The following WSCD1 variants were observed in gnomAD, a reference collection of about 807,000 sequenced individuals.
WSCD1 encodes the protein sialate:O-sulfotransferase 1.
Under a neutral mutation model 60.4 loss-of-function variants are expected in WSCD1, and 41 were observed. The ratio of observed to expected loss-of-function variants is 0.68; its 90% CI spans 0.53 to 0.88. The LOEUF is 0.88. Among genes scored for constraint, WSCD1 ranks in the 40% least tolerant of loss-of-function variants. WSCD1 has a pLI of 0.00. For synonymous variants in WSCD1, 361 were observed against 332.5 expected (o/e 1.09, Z -0.93); for missense variants, 784 against 796.2 (o/e 0.98, Z 0.18).
intron 1 of WSCD1, among the ~76,000 whole-genome samples, chr17:6,076,436 A>G (rs971639235): frequency 3.9e-5 from 6 of 152,164 alleles, no homozygotes; most frequent in African/African-American, 1.2e-4. Context: ...GTGGGGGCTC[A>G]GAGCTGGGGA....
intron 2 of WSCD1, among the ~76,000 whole-genome samples, chr17:6,082,935 C>A (rs907817489): frequency 1.3e-5 from 2 of 152,128 alleles, no homozygotes; most frequent in African/African-American, 4.8e-5. Context: ...GACTGGAGGG[C>A]TGTGGGTTCA....
intron 8 of WSCD1, among the ~76,000 whole-genome samples, chr17:6,120,055 T>C (rs1163035978): frequency 2.6e-5 from 4 of 152,208 alleles, no homozygotes; most frequent in Admixed American, 6.5e-5. Context: ...CTTAGCTTTA[T>C]AGGAGGACCT....
At chr17:6,111,038 T>G (rs537032249) in intron 7 of WSCD1, 103 bp downstream of exon 7, 1 of 1,428,830 alleles carries the variant, frequency 7.0e-7, no homozygotes, top group South Asian at 1.5e-5. Flanking sequence ...CATCTCAAAC[T>G]TGAGTGTACA....
At chr17:6,089,545 C>T (rs759795486) in intron 3 of WSCD1, among the ~76,000 whole-genome samples, 1 of 152,182 alleles carries the variant, frequency 6.6e-6, no homozygotes, top group African/African-American at 2.4e-5. Context: ...CCATGTGTAA[C>T]AAGATGTGAC....
At chr17:6,073,753 G>A (rs548673737) in intron 1 of WSCD1, among the ~76,000 whole-genome samples, 3 of 152,384 alleles carry the variant, frequency 2.0e-5, no homozygotes, top group South Asian at 4.1e-4. Flanking sequence ...CGGCCCCGGC[G>A]CTGGTGCTGT....
intron 7 of WSCD1, among the ~76,000 whole-genome samples, chr17:6,117,417 C>T (rs1412130805): frequency 6.6e-6 from 1 of 152,200 alleles, no homozygotes; most frequent in Non-Finnish European, 1.5e-5. Context: ...TACCTGCTCA[C>T]AGCCATTGAA....
chr17:6,114,494 G>A (rs1220938572), intron 7 of WSCD1, among the ~76,000 whole-genome samples: 1 of 152,124 alleles, frequency 6.6e-6, no homozygotes, highest in African/African-American at 2.4e-5. Flanking sequence ...AGCCAGAACA[G>A]AGGATTTTGA....
In WSCD1 at chr17:6,080,845, G is replaced by T; in HGVS notation, c.187G>T (p.Gly63Cys). The T allele has an allele frequency of 6.2e-7, 1 of 1,607,078 alleles. No homozygotes were observed. Among genetic ancestry groups the T allele is most frequent in the East Asian group, 2.2e-5 (1 of 44,720 alleles). Residue 63 changes from glycine (G) to cysteine (C), a missense_variant, in exon 2 of 9, where the codon GGC becomes TGC. By Grantham distance (159) the Gly-to-Cys change is radical. Coordinates refer to ENST00000317744, the MANE Select transcript of WSCD1 (RefSeq NM_015253.2). The surrounding 1 kb of genome is among the most constrained non-coding windows in gnomAD (Gnocchi z 6.6). The part of the protein sequence containing the change: ...QTLPVAAVAL[G>C]VGLLDSRALH... ...CTTGCCAGTGGCCGCCGTGGCGCTG[G>T]GCGTGGGCTTGCTGGACAGCAGAGC... is the stretch of plus-strand genomic sequence containing the variant.
At position 6,121,913 on chromosome 17, in the gene WSCD1, C is replaced by A. The variant is rs114361943; in HGVS notation, c.*1252C>A. The A allele has an allele frequency of 3.9e-3, 599 of 152,430 alleles. 4 individuals are homozygous for A. The highest frequency in any genetic ancestry group is 0.014 in the African/African-American group (565 of 41,560). The allele number at this position is 152,430 out of a possible 1,614,324, so 9.4% of individuals were successfully genotyped here. The stretch of plus-strand genomic sequence containing the variant: ...ACCCAGGAGCAACGCTCAAGGTGGC[C>A]GAGATGCAGGGAGGATTGTGGCGAT... On this transcript the variant is annotated 3_prime_UTR_variant, in exon 9 of 9. Transcript: ENST00000317744.
Position 6,088,086 on chromosome 17 carries a change from A to G in WSCD1, c.524A>G (p.Gln175Arg). ...AGAAAGATGACTGTCTCCCACTGCCAGGATGCGTGTGCTGAGCGGTGAGTG... is the reference window on the plus strand; with the variant it reads ...AGAAAGATGACTGTCTCCCACTGCCGGGATGCGTGTGCTGAGCGGTGAGTG... ...DLRKMTVSHC[Q>R]DACAERSYVY... The change falls in exon 3 of 9, where the codon CAG becomes CGG. Residue 175 changes from glutamine to arginine, a missense_variant. Gln to Arg is a conservative substitution (Grantham distance 43, BLOSUM62 1). Transcript: ENST00000317744. 1 of 1,614,180 alleles carries G rather than the reference A, an allele frequency of 6.2e-7. No individual in the cohort carries two copies. The highest frequency in any genetic ancestry group is 8.5e-7 in the Non-Finnish European group (1 of 1,180,018).
chr17:6,098,002 G>A (rs188565551), intron 5 of WSCD1, among the ~76,000 whole-genome samples: 8 of 151,418 alleles, frequency 5.3e-5, no homozygotes, highest in African/African-American at 1.9e-4. Flanking sequence ...CCAGGTTGGA[G>A]TGCAGTGGTG....
At chr17:6,081,124 A>AC in intron 2 of WSCD1, 39 bp downstream of exon 2, 5 of 1,500,862 alleles carry the variant, frequency 3.3e-6, no homozygotes, top group Non-Finnish European at 4.4e-6. Flanking sequence ...TGTTCCCAGG[A>AC]CCCCCCATTC....
intron 8 of WSCD1, 30 bp from the exon 9 acceptor site, chr17:6,120,279 G>T: frequency 6.3e-7 from 1 of 1,596,600 alleles, no homozygotes; most frequent in Non-Finnish European, 8.6e-7. Context: ...GCCAGCCCCC[G>T]ACTCTGCATC....
chr17:6,078,216 C>T (rs1356256542), intron 1 of WSCD1: 1 of 152,230 alleles, frequency 6.6e-6, no homozygotes, highest in Non-Finnish European at 1.5e-5. Flanking sequence ...ATCCACACTC[C>T]CAGGCCTCAT....
chr17:6,120,441 A>C lies in WSCD1; in HGVS notation c.1508A>C (p.Glu503Ala). Residue 503 changes from glutamate (E) to alanine (A), a missense_variant, in exon 9 of 9, where the codon GAG becomes GCG. Coordinates refer to ENST00000317744, the MANE Select transcript of WSCD1 (RefSeq NM_015253.2). ...CGCAGCCTGGTGCCCACGTTACGGGAGATGGTGGCCTTCCTCAACGTGTCT... is the reference window on the plus strand; with the variant it reads ...CGCAGCCTGGTGCCCACGTTACGGGCGATGGTGGCCTTCCTCAACGTGTCT... ...LRRSLVPTLREMVAFLNVSVS... is the reference protein window; with the variant it reads ...LRRSLVPTLRAMVAFLNVSVS... 1 of 1,614,004 alleles carries C rather than the reference A, an allele frequency of 6.2e-7. No homozygotes were observed. The highest frequency in any genetic ancestry group is 8.5e-7 in the Non-Finnish European group (1 of 1,179,958).
intron 6 of WSCD1, 52 bp downstream of exon 6, chr17:6,109,818 G>T (rs1211784565): frequency 6.3e-7 from 1 of 1,587,236 alleles, no homozygotes; most frequent in Non-Finnish European, 8.6e-7. Context: ...GGGGTGGGGA[G>T]AGCTTCCAGG....
chr17:6,105,561 A>G (rs1031567672), intron 5 of WSCD1, among the ~76,000 whole-genome samples: 5 of 152,220 alleles, frequency 3.3e-5, no homozygotes, highest in Non-Finnish European at 5.9e-5. Context: ...TTCAGAATCC[A>G]GTGATGTTGC....
At chr17:6,114,400 G>A (rs113705554) in intron 7 of WSCD1, among the ~76,000 whole-genome samples, 2,854 of 152,122 alleles carry the variant, frequency 0.019, 34 homozygotes, top group Non-Finnish European at 0.021. Context: ...CAAAATTACA[G>A]CTAGATATGA....
At chr17:6,104,044 G>T (rs562343610) in intron 5 of WSCD1, among the ~76,000 whole-genome samples, 21 of 152,282 alleles carry the variant, frequency 1.4e-4, no homozygotes, top group African/African-American at 4.6e-4. Context: ...CATAAGTATG[G>T]CCCTAGCATC....
Sources: allele counts gnomAD v4.1 joint callset (sites outside exome capture counted in the v4.1 genomes callset), GRCh38; gene constraint gnomAD v4.1.1; non-coding constraint Gnocchi (gnomAD v3.1); transcripts MANE v1.5; gene names NCBI Gene and HGNC (gene_info 2026-07-23, HGNC 2026-07-21).